The following IL17RE variants were observed in gnomAD, a reference collection of about 807,000 sequenced individuals.
IL17RE encodes interleukin-17 receptor E.
A neutral mutation model predicts 70.7 loss-of-function variants in IL17RE; 47 were observed. The observed-to-expected ratio is 0.67, with a 90% CI of 0.53 to 0.85. The LOEUF is 0.85. Ranked by LOEUF, IL17RE falls within the 40% of genes least tolerant of loss-of-function variation. IL17RE has a pLI of 0.00. For synonymous variants in IL17RE, 372 were observed against 381.2 expected (o/e 0.98, Z 0.28); for missense variants, 850 against 893.9 (o/e 0.95, Z 0.63).
rs757933743 is a variant in IL17RE at position 9,910,857 on chromosome 3, C to G, written c.803-8C>G. On this transcript the variant is annotated splice_region_variant and splice_polypyrimidine_tract_variant and intron_variant, in intron 8 of 15. Transcript: ENST00000383814. ...GACCCTCACCCACTGACCCTGCCAC[C>G]TGCCCAGATGGCTCGGACTTCTGGA... 15 of 1,612,176 alleles carry G rather than the reference C, an allele frequency of 9.3e-6. No homozygotes were observed. In the East Asian group the frequency reaches 3.3e-4, roughly 36 times the overall value.
At chr3:9,911,673 C>T in intron 12 of IL17RE, 76 bp downstream of exon 12, 1 of 1,359,626 alleles carries the variant, frequency 7.4e-7, no homozygotes, top group South Asian at 1.3e-5. Flanking sequence ...TTGAGATAGA[C>T]CCTGGGAAGG....
At chr3:9,904,431 AT>A (rs1201457733) in intron 3 of IL17RE, among the ~76,000 whole-genome samples, 2 of 152,158 alleles carry the variant, frequency 1.3e-5, no homozygotes, top group Middle Eastern at 3.2e-3. Context: ...CTTACTCTAT[AT>A]TTTAATTGCT....
Position 9,906,800 on chromosome 3 carries a change from G to A in IL17RE, c.461G>A (p.Arg154Lys). 3 of 1,614,156 alleles carry A rather than the reference G, an allele frequency of 1.9e-6. No individual in the cohort carries two copies. Among genetic ancestry groups the A allele is most frequent in the Non-Finnish European group, 2.5e-6 (3 of 1,180,024 alleles). Reference protein sequence around the residue: ...DISHKGLRSKRTQPSDPETWE... With the variant: ...DISHKGLRSKKTQPSDPETWE... Reference sequence around the variant, plus strand: ...TCCCACAAGGGACTTCGCTCTAAAAGGACCCAACCTTCGGATCCAGAGACA... The same window carrying A: ...TCCCACAAGGGACTTCGCTCTAAAAAGACCCAACCTTCGGATCCAGAGACA... The change falls in exon 5 of 16, where the codon AGG (arginine) becomes AAG (lysine). Residue 154 changes from arginine to lysine, a missense_variant. Coordinates refer to ENST00000383814, the MANE Select transcript of IL17RE (RefSeq NM_153480.2).
rs776332181 is a variant in IL17RE at position 9,914,683 on chromosome 3, T to C, written c.1353T>C (p.Ser451=). 1 of 1,614,130 alleles carries C rather than the reference T, an allele frequency of 6.2e-7. No individual in the cohort carries two copies. The highest frequency in any genetic ancestry group is 8.5e-7 in the Non-Finnish European group (1 of 1,179,996). The change falls in exon 15 of 16, where the codon TCT becomes TCC. Residue 451 remains serine (S), a synonymous_variant. Coordinates refer to ENST00000383814, the MANE Select transcript of IL17RE (RefSeq NM_153480.2). The part of the protein sequence containing the change: ...AWKHLLCPDV[S]YRHLGLLILA... ...GCCTCATCCTGCTTGACTCAGTCTCTTACAGACACCTGGGGCTCTTGATCC... is the reference window on the plus strand; with the variant it reads ...GCCTCATCCTGCTTGACTCAGTCTCCTACAGACACCTGGGGCTCTTGATCC...
rs2082990373 is a variant in IL17RE, at chr3:9,915,157, G to C, written c.1448-94G>C. On this transcript the variant is annotated intron_variant, in intron 15 of 15. Transcript: ENST00000383814. The surrounding 1 kb of genome is among the most constrained non-coding windows in gnomAD (Gnocchi z 4.9). ...TAAGGGGCGGGGGCGGGGGCGGAGA[G>C]GCGAGCACCCTACGGTATCCCGAGA... 15 of 1,345,248 alleles carry C rather than the reference G, an allele frequency of 1.1e-5. No homozygotes were observed. The highest frequency in any genetic ancestry group is 1.2e-5 in the Non-Finnish European group (13 of 1,051,358). 83.3% of individuals were successfully genotyped at this position (1,345,248 alleles called of 1,614,324 possible).
At chr3:9,903,225 G>C in intron 1 of IL17RE, 161 bp downstream of exon 1, 1 of 952,454 alleles carries the variant, frequency 1.0e-6, no homozygotes, top group South Asian at 1.5e-5. Context: ...CCTTTGTGCT[G>C]AGGGCCTGGA....
rs1450577462 is a variant in IL17RE, at chr3:9,914,790, G to C, written c.1447+13G>C. The stretch of plus-strand genomic sequence containing the variant: ...CGCCCACAGTCAGGTAAGCTCACCT[G>C]GGGTAACCTGGGAAGTCAGACCTGC... On this transcript the variant is annotated intron_variant, in intron 15 of 15. Coordinates refer to ENST00000383814, the MANE Select transcript of IL17RE (RefSeq NM_153480.2). 10 of 1,610,246 alleles carry C rather than the reference G, an allele frequency of 6.2e-6. No individual in the cohort carries two copies. The highest frequency in any genetic ancestry group is 8.5e-6 in the Non-Finnish European group (10 of 1,177,728).
rs1307197314 is a variant in IL17RE at position 9,907,065 on chromosome 3, G to A, written c.631G>A (p.Glu211Lys). The change falls in exon 6 of 16, where the codon GAG becomes AAG. Residue 211 changes from glutamate (E) to lysine (K), a missense_variant. Physicochemically the swap from Glu to Lys is moderately conservative, Grantham distance 56. Transcript: ENST00000383814. ...SVRLCHQWAL[E>K]CEELSSPYDV... ...GCGTCTTTGTCACCAGTGGGCACTG[G>A]AGTGTGAAGAGCTGAGCAGTCCCTA... is the stretch of plus-strand genomic sequence containing the variant. The A allele has an allele frequency of 6.2e-7, 1 of 1,614,206 alleles. No individual in the cohort carries two copies. The highest frequency in any genetic ancestry group is 1.7e-5 in the Admixed American group (1 of 60,022).
chr3:9,907,817 T>A (rs1189728919), intron 6 of IL17RE, among the ~76,000 whole-genome samples: 1 of 152,120 alleles, frequency 6.6e-6, no homozygotes, highest in Non-Finnish European at 1.5e-5. Context: ...TCAACCTCCC[T>A]TTGTCATGGA....
In IL17RE at chr3:9,911,589, G is replaced by A. The variant is rs754104975; in HGVS notation, c.1219G>A (p.Val407Ile). 3 of 1,612,184 alleles carry A rather than the reference G, an allele frequency of 1.9e-6. No individual in the cohort carries two copies. The African/African-American group carries it at 4.0e-5, about 22-fold the overall frequency. The change falls in exon 12 of 16, where the codon GTC becomes ATC. Residue 407 changes from valine to isoleucine, a missense_variant. By Grantham distance (29) the Val-to-Ile change is conservative (BLOSUM62 3). Transcript: ENST00000383814. ...QDTLVPPVYT[V>I]SQARGSSPVS... ...CACTTTGGTGCCCCCCGTGTACACTGTCAGCCAGGTATGGCCTCGCCCCCA... is the reference window on the plus strand; with the variant it reads ...CACTTTGGTGCCCCCCGTGTACACTATCAGCCAGGTATGGCCTCGCCCCCA...
In IL17RE at chr3:9,915,265, C is replaced by T. The variant is rs1216226527; in HGVS notation, c.1462C>T (p.Arg488Trp). ...CCCGCCACCAGGCCCGGGCCCAGCG[C>T]GGCCAGTGCTCCTCCTGCACGCGGC... ...RRPQSGPGPARPVLLLHAADS... is the reference protein window; with the variant it reads ...RRPQSGPGPAWPVLLLHAADS... The change falls in exon 16 of 16, where the codon CGG (arginine) becomes TGG (tryptophan). Residue 488 changes from arginine to tryptophan, a missense_variant. Physicochemically the swap from Arg to Trp is moderately radical, Grantham distance 101. Transcript: ENST00000383814. This position sits in a 1 kb window ranked among gnomAD's most constrained non-coding sequence, Gnocchi z 4.9. 2.9e-6 allele frequency: 4 copies of T among 1,393,310 alleles called. No homozygotes were observed. Among genetic ancestry groups the T allele is most frequent in the African/African-American group, 1.5e-5 (1 of 66,158 alleles). The allele number at this position is 1,393,310 out of a possible 1,614,324, so 86.3% of individuals were successfully genotyped here. A position where few individuals can be genotyped will look rare whatever the true frequency, so the allele number is the denominator to read the frequency against.
chr3:9,902,551 T>A, upstream of IL17RE: 2 of 1,380,708 alleles, frequency 1.4e-6, no homozygotes, highest in Non-Finnish European at 2.0e-6. Flanking sequence ...GAGACACAAG[T>A]TCCAGAGTGT....
intron 9 of IL17RE, 23 bp from the exon 10 acceptor site, chr3:9,911,104 T>C (rs279571): frequency 0.53 from 847,968 of 1,613,562 alleles, 229,632 homozygotes; most frequent in African/African-American, 0.64. Context: ...TTCTCCCTGA[T>C]GAACTCTCCT....
rs770641938 is a variant in IL17RE at position 9,915,833 on chromosome 3, G to A, written c.*26G>A. The A allele has an allele frequency of 4.7e-6, 7 of 1,477,124 alleles. No homozygotes were observed. In the South Asian group the frequency reaches 9.5e-5, roughly 20 times the overall value. The allele number at this position is 1,477,124 out of a possible 1,614,324, so 91.5% of individuals were successfully genotyped here. On this transcript the variant is annotated 3_prime_UTR_variant, in exon 16 of 16. Transcript: ENST00000383814. The surrounding 1 kb of genome is among the most constrained non-coding windows in gnomAD (Gnocchi z 4.9). ...GCAGAGCTCCACCGCAGTCCCGGGTGTCTGCGGCCGCAACGCAACGGACAC... is the reference window on the plus strand; with the variant it reads ...GCAGAGCTCCACCGCAGTCCCGGGTATCTGCGGCCGCAACGCAACGGACAC...
At chr3:9,908,908 G>C (rs1025563278) in intron 7 of IL17RE, among the ~76,000 whole-genome samples, 9 of 152,148 alleles carry the variant, frequency 5.9e-5, no homozygotes, top group African/African-American at 2.2e-4. Flanking sequence ...GGTGCCTTGG[G>C]GATGGCTGAG....
intron 6 of IL17RE, 84 bp from the exon 7 acceptor site, chr3:9,908,155 G>A: frequency 8.7e-7 from 1 of 1,145,600 alleles, no homozygotes; most frequent in Non-Finnish European, 1.3e-6. Context: ...TGTTGGCCAA[G>A]ATCCCAGCAC....
In IL17RE at chr3:9,904,144, T is replaced by C. The variant is rs2082699480; in HGVS notation, c.261T>C (p.Gly87=). The C allele has an allele frequency of 6.2e-7, 1 of 1,614,016 alleles. No individual in the cohort carries two copies. Among genetic ancestry groups the C allele is most frequent in the Admixed American group, 1.7e-5 (1 of 60,000 alleles). ...SRCLCQHLLS[G]GSGLQRGLFH... ...GTTTGTGCCAGCATCTGCTGTCAGG[T>C]GGCTCAGGTATGAGAAACAGCCCCT... is the stretch of plus-strand genomic sequence containing the variant. Residue 87 remains glycine, a synonymous_variant, in exon 3 of 16, where the codon GGT becomes GGC. Coordinates refer to ENST00000383814, the MANE Select transcript of IL17RE (RefSeq NM_153480.2).
At chr3:9,906,534 T>C in intron 4 of IL17RE, 73 bp downstream of exon 4, 1 of 1,393,562 alleles carries the variant, frequency 7.2e-7, no homozygotes, top group Admixed American at 1.7e-5. Context: ...CATTTGGTTC[T>C]CCAGCCATGT....
In IL17RE at chr3:9,904,041, C is replaced by A. The variant is rs1402017866; in HGVS notation, c.158C>A (p.Ala53Asp). The A allele has an allele frequency of 1.2e-6, 2 of 1,614,130 alleles. No homozygotes were observed. The highest frequency in any genetic ancestry group is 2.2e-5 in the South Asian group (2 of 91,088). ...CTTCCATCTTTCCCAGGAAGTTCTGCCTATATCCCTTGCCGCACCTGGTGG... is the reference window on the plus strand; with the variant it reads ...CTTCCATCTTTCCCAGGAAGTTCTGACTATATCCCTTGCCGCACCTGGTGG... Reference protein sequence around the residue: ...HTDDSFTGSSAYIPCRTWWAL... With the variant: ...HTDDSFTGSSDYIPCRTWWAL... The change falls in exon 3 of 16, where the codon GCC (alanine) becomes GAC (aspartate). Residue 53 changes from alanine to aspartate, a missense_variant. Physicochemically the swap from Ala to Asp is moderately radical, Grantham distance 126. Transcript: ENST00000383814.
Sources: allele counts gnomAD v4.1 joint callset (sites outside exome capture counted in the v4.1 genomes callset), GRCh38; gene constraint gnomAD v4.1.1; non-coding constraint Gnocchi (gnomAD v3.1); transcripts MANE v1.5; gene names NCBI Gene and HGNC (gene_info 2026-07-23, HGNC 2026-07-21).